Variants in SPACDR observed in about 807,000 individuals in gnomAD.
The protein encoded by SPACDR is uncharacterized protein C7orf61.
At chr7:100,463,521 C>T in the SPACDR span, 1 of 1,614,006 alleles carries the variant, frequency 6.2e-7, no homozygotes, top group Non-Finnish European at 8.5e-7. Flanking sequence ...CAGGGATCTG[C>T]CAGCTCGGGG....
chr7:100,461,737 C>T, the SPACDR span, among the ~76,000 whole-genome samples: 7 of 151,956 alleles, frequency 4.6e-5, no homozygotes, highest in Non-Finnish European at 8.8e-5. Flanking sequence ...CACCTGTAAT[C>T]CCAGCACTTT....
the SPACDR span, chr7:100,463,658 G>A: frequency 6.2e-7 from 1 of 1,613,874 alleles, no homozygotes; most frequent in South Asian, 1.1e-5. Context: ...TGAGATGGTT[G>A]GTTTAATTTT....
At chr7:100,458,923 G>A in the SPACDR span, among the ~76,000 whole-genome samples, 436 of 151,512 alleles carry the variant, frequency 2.9e-3, 1 homozygote, top group South Asian at 5.4e-3. Context: ...GTGAAACTCC[G>A]TCTCAAAACA....
the SPACDR span, among the ~76,000 whole-genome samples, chr7:100,457,364 G>C: frequency 6.6e-6 from 1 of 151,762 alleles, no homozygotes; most frequent in Non-Finnish European, 1.5e-5. Context: ...TATCACCCAG[G>C]CTGGAGTACA....
At chr7:100,457,289 G>A in the SPACDR span, among the ~76,000 whole-genome samples, 3 of 147,634 alleles carry the variant, frequency 2.0e-5, no homozygotes, top group Non-Finnish European at 4.5e-5. Flanking sequence ...CAGGCGTGAG[G>A]CATCACACCT....
At chr7:100,464,252 C>A in the SPACDR span, 2 of 1,416,412 alleles carry the variant, frequency 1.4e-6, no homozygotes, top group Non-Finnish European at 1.8e-6. Flanking sequence ...GGAGAGGAGT[C>A]GAAGTAGGTG....
the SPACDR span, among the ~76,000 whole-genome samples, chr7:100,457,475 C>T: frequency 6.6e-6 from 1 of 150,842 alleles, no homozygotes; most frequent in African/African-American, 2.4e-5. Context: ...CTCGCTATCA[C>T]GCCCAGCTAA....
At chr7:100,464,096 G>GGGGTT in the SPACDR span, 1 of 1,448,612 alleles carries the variant, frequency 6.9e-7, no homozygotes, top group Non-Finnish European at 9.2e-7. Flanking sequence ...GGCGGGTGGG[G>GGGGTT]GATGGGGTGG....
the SPACDR span, among the ~76,000 whole-genome samples, chr7:100,457,801 A>ATGTGTGTGTGTGTGTGTGTGTGTGTGTG: frequency 2.7e-5 from 2 of 74,380 alleles, no homozygotes; most frequent in Non-Finnish European, 4.7e-5. Context: ...TTATATATAT[A>ATGTGTGTGTGTGTGTGTGTGTGTGTGTG]TATGTGTGTG....
the SPACDR span, chr7:100,463,998 A>T: frequency 6.3e-7 from 1 of 1,598,990 alleles, no homozygotes; most frequent in South Asian, 1.1e-5. Context: ...CGTCTAACCC[A>T]TCGGAAGAAC....
chr7:100,456,803 G>A, the SPACDR span: 1 of 1,613,250 alleles, frequency 6.2e-7, no homozygotes. Flanking sequence ...GGTTGGGTCG[G>A]GGGGCAGCAT....
chr7:100,463,982 C>A, the SPACDR span: 3 of 1,608,502 alleles, frequency 1.9e-6, no homozygotes, highest in East Asian at 4.5e-5. Context: ...AATCCTTTGC[C>A]AAGCCCGTCT....
chr7:100,456,838 G>A, the SPACDR span: 1 of 1,613,170 alleles, frequency 6.2e-7, no homozygotes, highest in South Asian at 1.1e-5. Context: ...TGCCGTCTGT[G>A]CCTCTCCTGC....
the SPACDR span, among the ~76,000 whole-genome samples, chr7:100,461,100 T>G: frequency 6.6e-6 from 1 of 151,962 alleles, no homozygotes; most frequent in South Asian, 2.1e-4. Context: ...TTCTGTTTGT[T>G]TGAGACAGAC....
At chr7:100,460,993 T>C in the SPACDR span, among the ~76,000 whole-genome samples, 1 of 152,178 alleles carries the variant, frequency 6.6e-6, no homozygotes, top group Non-Finnish European at 1.5e-5. Flanking sequence ...GCTCACAACT[T>C]GGCAACCCTG....
the SPACDR span, chr7:100,463,668 T>C: frequency 6.2e-7 from 1 of 1,613,360 alleles, no homozygotes; most frequent in East Asian, 2.2e-5. Flanking sequence ...GGTTTAATTT[T>C]TTGCCTCCAG....
At chr7:100,462,508 C>T in the SPACDR span, among the ~76,000 whole-genome samples, 9 of 144,854 alleles carry the variant, frequency 6.2e-5, no homozygotes, top group Non-Finnish European at 1.4e-4. Flanking sequence ...CCACCGTGCC[C>T]GGCCAGAAAT....
the SPACDR span, among the ~76,000 whole-genome samples, chr7:100,457,557 G>A: frequency 6.7e-6 from 1 of 150,254 alleles, no homozygotes; most frequent in Admixed American, 6.7e-5. Context: ...GACCTCAAGT[G>A]ATCAGCCGGC....
At chr7:100,459,054 A>AGTG in the SPACDR span, among the ~76,000 whole-genome samples, 1 of 128,360 alleles carries the variant, frequency 7.8e-6, no homozygotes, top group Admixed American at 8.9e-5. Flanking sequence ...CCCAGGCTGG[A>AGTG]GTGCAGTGGC....
Sources: gnomAD v4.1 joint callset for allele counts (sites outside exome capture counted in the v4.1 genomes callset) on GRCh38, gnomAD v4.1.1 for gene constraint, MANE v1.5 for transcripts, NCBI Gene and HGNC (gene_info 2026-07-23, HGNC 2026-07-21) for gene names.